PPP5C: variants seen among roughly 807,000 people sequenced by gnomAD.
PPP5C encodes the protein protein phosphatase 5 catalytic subunit, also known as serine/threonine-protein phosphatase 5.
In PPP5C, 21 loss-of-function variants were observed where a neutral mutation model predicts 66.7. The ratio of observed to expected loss-of-function variants is 0.31; its 90% confidence interval spans 0.22 to 0.45. The LOEUF (loss-of-function observed/expected upper bound fraction) is 0.45. Ranked by LOEUF, PPP5C falls within the 20% of genes least tolerant of loss-of-function variation. PPP5C has a pLI of 1.00. For synonymous variants in PPP5C, 246 were observed against 257.4 expected (o/e 0.96, Z 0.43); for missense variants, 464 against 675.9 (o/e 0.69, Z 3.48).
Position 46,350,532 on chromosome 19 carries a change from C to T in PPP5C, c.122-3216C>T, listed in dbSNP as rs1124459. On this transcript the variant is annotated intron_variant, in intron 1 of 12. Coordinates refer to ENST00000012443, the MANE Select transcript of PPP5C (RefSeq NM_006247.4). ...GGCACTGAGCTGGCACGGAGGAGAA[C>T]GGCCCTGCTGGCCCAGGCCCCTTGC... Among the ~76,000 whole-genome samples the T allele has an allele frequency of 4.2e-3, 633 of 152,284 alleles. 23 individuals are homozygous for T. The East Asian group carries it at 0.083, about 20-fold the overall frequency.
Position 46,388,226 on chromosome 19 carries a change from G to T in PPP5C, c.1136-182G>T. The T allele has an allele frequency of 1.6e-6, 1 of 627,258 alleles. No homozygotes were observed. The highest frequency in any genetic ancestry group is 2.8e-5 in the East Asian group (1 of 35,974). 38.9% of individuals were successfully genotyped at this position (627,258 alleles called of 1,614,324 possible). A position where few individuals can be genotyped will look rare whatever the true frequency, so the allele number is the denominator to read the frequency against. On this transcript the variant is annotated intron_variant, in intron 9 of 12. Transcript: ENST00000012443. The surrounding 1 kb of genome is among the most constrained non-coding windows in gnomAD (Gnocchi z 4.9). ...GGAGGGCAGATCAGCAGAGAGGGTG[G>T]GGGTGGCTCAGAATCACAGTCACCT... is the stretch of plus-strand genomic sequence containing the variant.
In PPP5C at chr19:46,383,755, T is replaced by G. The variant is rs773886039; in HGVS notation, c.700-25T>G. 13 of 1,584,330 alleles carry G rather than the reference T, an allele frequency of 8.2e-6. No homozygotes were observed. In the African/African-American group the frequency reaches 1.6e-4, roughly 20 times the overall value. On this transcript the variant is annotated intron_variant, in intron 5 of 12. Transcript: ENST00000012443. This position sits in a 1 kb window ranked among gnomAD's most constrained non-coding sequence, Gnocchi z 5.0. ...CCACGTCTCTCTCTCGGCCCGTCCC[T>G]CTCCGGTGGCCTCTTTTCTTTCAGA... is the stretch of plus-strand genomic sequence containing the variant.
At chr19:46,353,569 C>G (rs1334797358) in intron 1 of PPP5C, among the ~76,000 whole-genome samples, 179 bp from the exon 2 acceptor site, 1 of 152,172 alleles carries the variant, frequency 6.6e-6, no homozygotes, top group Non-Finnish European at 1.5e-5. Context: ...GCCGAGAGGA[C>G]AAGCCCTGAG....
At chr19:46,354,284 C>CT (rs1972245611) in intron 2 of PPP5C, among the ~76,000 whole-genome samples, 1 of 152,166 alleles carries the variant, frequency 6.6e-6, no homozygotes, top group Admixed American at 6.5e-5. Flanking sequence ...GAAAAGTGAG[C>CT]TTTTGCCTTT....
chr19:46,388,862 C>G lies in PPP5C; in HGVS notation c.1355+131C>G. ...CAGATAAAAGAACATGACGAACACC[C>G]CCGTATGTGTCACCCACCCATGCAG... On this transcript the variant is annotated intron_variant, in intron 11 of 12. Transcript: ENST00000012443. The surrounding 1 kb of genome is among the most constrained non-coding windows in gnomAD (Gnocchi z 4.9). 8.9e-7 allele frequency: 1 copy of G among 1,120,118 alleles called. No homozygotes were observed. The highest frequency in any genetic ancestry group is 2.4e-5 in the Admixed American group (1 of 41,548). 69.4% of individuals were successfully genotyped at this position (1,120,118 alleles called of 1,614,324 possible).
intron 6 of PPP5C, chr19:46,384,439 T>C (rs1972848270): frequency 6.8e-6 from 2 of 292,304 alleles, no homozygotes; most frequent in Non-Finnish European, 1.3e-5. Context: ...TATGCATTGT[T>C]GAGTGGGAGG....
At chr19:46,350,748 GAA>G (rs3063396) in intron 1 of PPP5C, among the ~76,000 whole-genome samples, 39,143 of 152,008 alleles carry the variant, frequency 0.26, 5,088 homozygotes, top group Middle Eastern at 0.29. Context: ...AAGGCTCGGA[GAA>G]GTGAAAAAAC....
At chr19:46,349,375 A>G (rs565537051) in intron 1 of PPP5C, among the ~76,000 whole-genome samples, 1 of 152,134 alleles carries the variant, frequency 6.6e-6, no homozygotes, top group Non-Finnish European at 1.5e-5. Flanking sequence ...ATAGAGATGG[A>G]GAATTGATTC....
rs749492322 is a variant in PPP5C, at chr19:46,390,136, A to G, written c.1437+4A>G. On this transcript the variant is annotated splice_donor_region_variant and intron_variant, in intron 12 of 12. Transcript: ENST00000012443. ...GTTCCACCAGTTCACAGCAGTGGTG[A>G]GTCACCCCTCAGGGCCCCTGCCCCT... is the stretch of plus-strand genomic sequence containing the variant. 8 of 1,613,678 alleles carry G rather than the reference A, an allele frequency of 5.0e-6. No individual in the cohort carries two copies. The highest frequency in any genetic ancestry group is 1.6e-4 in the Middle Eastern group (1 of 6,084).
In PPP5C at chr19:46,347,207, C is replaced by G. The variant is rs1027396456; in HGVS notation, c.111C>G (p.Asp37Glu). ...AGGAGCTCAAGACTCAGGCCAATGA[C>G]TACTTCAAAGGTGCGCCCGCCTGGC... ...RAEELKTQANDYFKAKDYENA... is the reference protein window; with the variant it reads ...RAEELKTQANEYFKAKDYENA... The change falls in exon 1 of 13, where the codon GAC becomes GAG. Residue 37 changes from aspartate to glutamate, a missense_variant. Asp to Glu is a conservative substitution (Grantham distance 45). Transcript: ENST00000012443. The G allele has an allele frequency of 6.2e-7, 1 of 1,606,462 alleles. No homozygotes were observed. Among genetic ancestry groups the G allele is most frequent in the Non-Finnish European group, 8.5e-7 (1 of 1,176,930 alleles).
chr19:46,352,948 A>T (rs919572458), intron 1 of PPP5C, among the ~76,000 whole-genome samples: 1 of 151,968 alleles, frequency 6.6e-6, no homozygotes, highest in African/African-American at 2.4e-5. Flanking sequence ...GGCTTGTGAG[A>T]GTTCAGTGAA....
chr19:46,387,336 C>G (rs1478600276), intron 8 of PPP5C, 30 bp from the exon 9 acceptor site: 2 of 1,607,164 alleles, frequency 1.2e-6, no homozygotes, highest in African/African-American at 2.7e-5. Context: ...GTGGCACCTT[C>G]CCTCACAGCG....
chr19:46,384,438 T>C (rs1219559808), intron 6 of PPP5C: 1 of 293,080 alleles, frequency 3.4e-6, no homozygotes, highest in Non-Finnish European at 6.7e-6. Context: ...CTATGCATTG[T>C]TGAGTGGGAG....
Position 46,383,247 on chromosome 19 carries a change from C to G in PPP5C, c.634-164C>G. Reference sequence around the variant, plus strand: ...ACAGAAGCCTGCGGCTGCCTCCGGCCCCGCCTGCTCCCGCTCCCCCAGGCC... The same window carrying G: ...ACAGAAGCCTGCGGCTGCCTCCGGCGCCGCCTGCTCCCGCTCCCCCAGGCC... On this transcript the variant is annotated intron_variant, in intron 4 of 12. Coordinates refer to ENST00000012443, the MANE Select transcript of PPP5C (RefSeq NM_006247.4). This position sits in a 1 kb window ranked among gnomAD's most constrained non-coding sequence, Gnocchi z 5.0. 1 of 1,542,778 alleles carries G rather than the reference C, an allele frequency of 6.5e-7. No homozygotes were observed. Among genetic ancestry groups the G allele is most frequent in the South Asian group, 1.2e-5 (1 of 83,224 alleles).
At chr19:46,389,407 A>AGAGTGTTGATCC (rs1972962940) in intron 11 of PPP5C, among the ~76,000 whole-genome samples, 2 of 32,372 alleles carry the variant, frequency 6.2e-5, no homozygotes, top group African/African-American at 9.0e-5. Context: ...ACACACACAC[A>AGAGTGTTGATCC]CACACACACA....
chr19:46,363,555 A>G (rs953982217), intron 2 of PPP5C, among the ~76,000 whole-genome samples: 9 of 151,304 alleles, frequency 5.9e-5, no homozygotes, highest in South Asian at 2.1e-4. Context: ...TCAGCCTCCA[A>G]GTAGCTGGGA....
At chr19:46,373,473 A>G (rs1251034015) in intron 2 of PPP5C, among the ~76,000 whole-genome samples, 1 of 152,252 alleles carries the variant, frequency 6.6e-6, no homozygotes, top group Non-Finnish European at 1.5e-5. Flanking sequence ...TAAGTGCTCT[A>G]GAAGTGAGCT....
Position 46,388,512 on chromosome 19 carries a change from G to A in PPP5C, c.1177-41G>A. The A allele has an allele frequency of 6.2e-7, 1 of 1,611,028 alleles. No individual in the cohort carries two copies. Among genetic ancestry groups the A allele is most frequent in the Non-Finnish European group, 8.5e-7 (1 of 1,177,746 alleles). On this transcript the variant is annotated intron_variant, in intron 10 of 12. Coordinates refer to ENST00000012443, the MANE Select transcript of PPP5C (RefSeq NM_006247.4). This position sits in a 1 kb window ranked among gnomAD's most constrained non-coding sequence, Gnocchi z 4.9. ...CTGTGGCAGCAGGTGGAGGCAGACA[G>A]TCACCCTGAACCCCTGTCTCTCCCT...
intron 11 of PPP5C, among the ~76,000 whole-genome samples, chr19:46,389,500 C>G (rs1972971186): frequency 6.6e-6 from 1 of 151,136 alleles, no homozygotes; most frequent in South Asian, 2.1e-4. Flanking sequence ...CTGCCAAGTT[C>G]TCTTTCTCCT....
Sources: gnomAD v4.1 joint callset for allele counts (sites outside exome capture counted in the v4.1 genomes callset) on GRCh38, gnomAD v4.1.1 for gene constraint, Gnocchi (gnomAD v3.1) non-coding constraint, MANE v1.5 for transcripts, NCBI Gene and HGNC (gene_info 2026-07-23, HGNC 2026-07-21) for gene names.